The following SFMBT1 variants were observed in gnomAD, a reference collection of about 807,000 sequenced individuals.
SFMBT1 encodes Scm like with four mbt domains 1.
A neutral mutation model predicts 108.7 loss-of-function variants in SFMBT1; 32 were observed. The observed-to-expected ratio is 0.29, with a 90% CI of 0.22 to 0.40. The LOEUF (loss-of-function observed/expected upper bound fraction) is 0.40, where lower values mean the gene tolerates loss of function less well. Among genes scored for constraint, SFMBT1 ranks in the 10% least tolerant of loss-of-function variants. The pLI, the probability that SFMBT1 is intolerant of heterozygous loss-of-function variation, is 1.00. For synonymous variants in SFMBT1, 348 were observed against 369.5 expected, an observed-to-expected ratio of 0.94 and a Z score of 0.67; for missense variants, 816 against 1,059.6, an observed-to-expected ratio of 0.77 and a Z score of 3.19.
intron 1 of SFMBT1, among the ~76,000 whole-genome samples, chr3:53,030,092 A>G (rs576907250): frequency 6.6e-6 from 1 of 152,194 alleles, no homozygotes; most frequent in South Asian, 2.1e-4. Context: ...GCAAAAAAAA[A>G]CCCAAAATAT....
chr3:53,042,135 T>C (rs1434636486), intron 1 of SFMBT1, among the ~76,000 whole-genome samples: 1 of 152,222 alleles, frequency 6.6e-6, no homozygotes, highest in African/African-American at 2.4e-5. Context: ...TTTTGGACTG[T>C]ATCTATTTAC....
At chr3:52,987,357 G>T (rs1704961070) in intron 1 of SFMBT1, among the ~76,000 whole-genome samples, 1 of 149,914 alleles carries the variant, frequency 6.7e-6, no homozygotes, top group African/African-American at 2.4e-5. Context: ...GCCAGTGCAG[G>T]TTTATTTACA....
chr3:52,925,594 G>T (rs1313008736), intron 10 of SFMBT1, among the ~76,000 whole-genome samples: 1 of 152,204 alleles, frequency 6.6e-6, no homozygotes, highest in Admixed American at 6.5e-5. Flanking sequence ...TCTGGGAAGG[G>T]AGACTGTGAA....
intron 3 of SFMBT1, among the ~76,000 whole-genome samples, chr3:52,951,110 T>C (rs1703568162): frequency 2.3e-5 from 1 of 42,712 alleles, no homozygotes; most frequent in Non-Finnish European, 4.4e-5. Context: ...AGCAAGACTC[T>C]TATCTTAAAA....
intron 1 of SFMBT1, among the ~76,000 whole-genome samples, chr3:52,981,701 G>C (rs1467790884): frequency 2.6e-5 from 4 of 151,976 alleles, no homozygotes; most frequent in African/African-American, 9.7e-5. Flanking sequence ...TAATGCTGAT[G>C]AAAGTGCTCT....
At chr3:52,942,637 T>C (rs1183981582) in intron 4 of SFMBT1, among the ~76,000 whole-genome samples, 1 of 152,162 alleles carries the variant, frequency 6.6e-6, no homozygotes, top group Non-Finnish European at 1.5e-5. Context: ...CTCAGCCTCC[T>C]GAGTAGCTGG....
intron 2 of SFMBT1, among the ~76,000 whole-genome samples, chr3:52,968,203 T>A (rs1400196531): frequency 1.3e-5 from 2 of 152,234 alleles, no homozygotes; most frequent in Non-Finnish European, 2.9e-5. Context: ...TGTGTTATTC[T>A]ATTTATGTAA....
chr3:52,919,580 T>C (rs1332498739), intron 12 of SFMBT1, among the ~76,000 whole-genome samples: 2 of 152,250 alleles, frequency 1.3e-5, no homozygotes, highest in East Asian at 3.8e-4. Context: ...ACTATGGTGA[T>C]AGCTGGTACG....
At chr3:53,030,168 G>A (rs1479626348) in intron 1 of SFMBT1, among the ~76,000 whole-genome samples, 2 of 152,044 alleles carry the variant, frequency 1.3e-5, no homozygotes, top group Non-Finnish European at 2.9e-5. Context: ...ACCATTAAAA[G>A]AATGCAGCAG....
chr3:53,035,100 G>A (rs960256481), intron 1 of SFMBT1, among the ~76,000 whole-genome samples: 1 of 152,228 alleles, frequency 6.6e-6, no homozygotes, highest in African/African-American at 2.4e-5. Context: ...TGGTGAGGCT[G>A]CAGAGGCCAT....
chr3:52,914,093 A>G (rs1345177365), intron 14 of SFMBT1, among the ~76,000 whole-genome samples: 3 of 152,326 alleles, frequency 2.0e-5, no homozygotes, highest in South Asian at 4.1e-4. Context: ...TGTGAGAGCA[A>G]TCCCATCTCT....
chr3:52,955,306 A>G (rs1346751551), intron 2 of SFMBT1, among the ~76,000 whole-genome samples: 8 of 151,964 alleles, frequency 5.3e-5, no homozygotes, highest in Admixed American at 5.3e-4. Context: ...CCAGCTACTC[A>G]GGAGACTGAG....
intron 1 of SFMBT1, among the ~76,000 whole-genome samples, chr3:52,981,927 C>T (rs1471897717): frequency 6.6e-6 from 1 of 152,074 alleles, no homozygotes; most frequent in South Asian, 2.1e-4. Flanking sequence ...ACAAAAAGAA[C>T]CCTTTTTCTG....
chr3:52,929,580 C>T (rs1702796500), intron 8 of SFMBT1, among the ~76,000 whole-genome samples: 1 of 152,166 alleles, frequency 6.6e-6, no homozygotes, highest in African/African-American at 2.4e-5. Context: ...TCCCACTAGC[C>T]CTCCCTTCAG....
intron 1 of SFMBT1, among the ~76,000 whole-genome samples, chr3:53,024,028 C>T (rs985139501): frequency 4.6e-5 from 7 of 152,116 alleles, no homozygotes; most frequent in African/African-American, 1.7e-4. Flanking sequence ...GACAAAAATC[C>T]TTGTCCTCAA....
intron 1 of SFMBT1, among the ~76,000 whole-genome samples, chr3:53,007,468 T>C (rs1698788054): frequency 6.6e-6 from 1 of 152,160 alleles, no homozygotes; most frequent in East Asian, 1.9e-4. Context: ...CACATATGAG[T>C]ACCTACAGTG....
chr3:52,980,013 A>C (rs1463139962), intron 1 of SFMBT1, among the ~76,000 whole-genome samples: 2 of 152,196 alleles, frequency 1.3e-5, no homozygotes, highest in Non-Finnish European at 2.9e-5. Flanking sequence ...CAGACAAACC[A>C]TGTAGCTTAA....
intron 1 of SFMBT1, among the ~76,000 whole-genome samples, chr3:53,017,158 G>A (rs1699153258): frequency 6.6e-6 from 1 of 152,112 alleles, no homozygotes; most frequent in Non-Finnish European, 1.5e-5. Context: ...TAAAGAAAAT[G>A]AAACTAAGGC....
At chr3:53,028,580 G>A (rs986802459) in intron 1 of SFMBT1, among the ~76,000 whole-genome samples, 1 of 152,048 alleles carries the variant, frequency 6.6e-6, no homozygotes, top group Non-Finnish European at 1.5e-5. Context: ...GGCTGAGATG[G>A]GAAAACAGCT....
Sources: allele counts gnomAD v4.1 joint callset (sites outside exome capture counted in the v4.1 genomes callset), GRCh38; gene constraint gnomAD v4.1.1; transcripts MANE v1.5; gene names NCBI Gene and HGNC (gene_info 2026-07-23, HGNC 2026-07-21).